PLXNA4: variants seen among roughly 807,000 people sequenced by gnomAD.
PLXNA4 encodes the protein plexin A4.
A neutral mutation model predicts 191.8 loss-of-function variants in PLXNA4; 44 were observed. The ratio of observed to expected loss-of-function variants is 0.23; its 90% CI spans 0.18 to 0.29. The LOEUF is 0.29. Among genes scored for constraint, PLXNA4 ranks in the 10% least tolerant of loss-of-function variants. The pLI is 1.00. For missense variants in PLXNA4, 1,800 were observed against 2,488.8 expected (o/e 0.72, Z 5.89); for synonymous variants, 1,082 against 1,009.5 (o/e 1.07, Z -1.36).
chr7:132,317,361 T>G (rs1479142252), intron 3 of PLXNA4, among the ~76,000 whole-genome samples: 1 of 150,944 alleles, frequency 6.6e-6, no homozygotes, highest in Non-Finnish European at 1.5e-5. Flanking sequence ...GGTTGGGTTG[T>G]GTTGGGTTGT....
chr7:132,484,949 G>A (rs780590688), intron 3 of PLXNA4: 1 of 1,614,132 alleles, frequency 6.2e-7, no homozygotes, highest in Non-Finnish European at 8.5e-7. Flanking sequence ...GTTCGCCCCA[G>A]GTGGGTCTCC....
intron 1 of PLXNA4, among the ~76,000 whole-genome samples, chr7:132,514,999 C>G (rs771830269): frequency 1.3e-5 from 2 of 152,198 alleles, no homozygotes; most frequent in Non-Finnish European, 2.9e-5. Flanking sequence ...GACTCCACCT[C>G]TGGTTCAAAG....
At chr7:132,260,139 C>T (rs773323769) in intron 4 of PLXNA4, among the ~76,000 whole-genome samples, 2 of 152,094 alleles carry the variant, frequency 1.3e-5, no homozygotes, top group Non-Finnish European at 2.9e-5. Context: ...GCCATTCAAC[C>T]TAGCAATCCC....
intron 2 of PLXNA4, among the ~76,000 whole-genome samples, chr7:132,583,490 G>T (rs1296849353): frequency 6.6e-6 from 1 of 152,202 alleles, no homozygotes; most frequent in African/African-American, 2.4e-5. Context: ...GCTCAGTGGA[G>T]CCTGCAAGCT....
chr7:132,223,445 T>A lies in PLXNA4; in HGVS notation c.2097+82A>T. The A allele has an allele frequency of 3.2e-6, 4 of 1,235,322 alleles. No homozygotes were observed. In the South Asian group the frequency reaches 5.2e-5, roughly 16 times the overall value. The allele number at this position is 1,235,322 out of a possible 1,614,324, so 76.5% of individuals were successfully genotyped here. ...GGTCCTGCACAGTTTTCCTTTGGTTTCTCCTCTTAAGGGAATGCCTCTCTT... is the reference window on the plus strand; with the variant it reads ...GGTCCTGCACAGTTTTCCTTTGGTTACTCCTCTTAAGGGAATGCCTCTCTT... On this transcript the variant is annotated intron_variant, in intron 9 of 31. Transcript: ENST00000321063.
intron 3 of PLXNA4, among the ~76,000 whole-genome samples, chr7:132,324,202 A>G (rs1256180797): frequency 6.6e-6 from 1 of 152,216 alleles, no homozygotes; most frequent in African/African-American, 2.4e-5. Flanking sequence ...GAGGAAGAGA[A>G]AGCAGACAGG....
intron 3 of PLXNA4, among the ~76,000 whole-genome samples, chr7:132,323,431 C>T (rs910560320): frequency 6.6e-6 from 1 of 152,200 alleles, no homozygotes; most frequent in Non-Finnish European, 1.5e-5. Flanking sequence ...TTATTACCTC[C>T]AAAGCCTAAG....
chr7:132,193,919 A>G lies in PLXNA4; in HGVS notation c.2856+143T>C, dbSNP rs1250836035. 5 of 1,075,476 alleles carry G rather than the reference A, an allele frequency of 4.6e-6. No individual in the cohort carries two copies. In the African/African-American group the frequency reaches 7.9e-5, roughly 17 times the overall value. The allele number at this position is 1,075,476 out of a possible 1,614,324, so 66.6% of individuals were successfully genotyped here. ...AAAGGCTGTGCTCTCACTCACTATA[A>G]GACAGGAGTCTCATGAACTGAGGGA... On this transcript the variant is annotated intron_variant, in intron 14 of 31. Coordinates refer to ENST00000321063, the MANE Select transcript of PLXNA4 (RefSeq NM_020911.2).
At chr7:132,504,037 T>C (rs1190594649) in intron 2 of PLXNA4, among the ~76,000 whole-genome samples, 1 of 152,220 alleles carries the variant, frequency 6.6e-6, no homozygotes, top group African/African-American at 2.4e-5. Flanking sequence ...CTCAGGAATG[T>C]ACATTTGTGA....
At chr7:132,255,376 T>C (rs928991118) in intron 4 of PLXNA4, among the ~76,000 whole-genome samples, 4 of 152,168 alleles carry the variant, frequency 2.6e-5, no homozygotes, top group Non-Finnish European at 5.9e-5. Context: ...ACATAATACA[T>C]GTAAAACACT....
In PLXNA4 at chr7:132,383,272, G is replaced by A. The variant is rs145619006; in HGVS notation, c.1372-85050C>T. On this transcript the variant is annotated intron_variant, in intron 3 of 31. Transcript: ENST00000321063. ...TGCTGAGTTAATTAGCTGGCTGGCT[G>A]CACACACCAGGATTGGACATGGATA... Among the ~76,000 whole-genome samples the A allele has an allele frequency of 5.3e-5, 8 of 152,282 alleles. No homozygotes were observed. The East Asian group carries it at 1.3e-3, about 26-fold the overall frequency.
intron 1 of PLXNA4, among the ~76,000 whole-genome samples, chr7:132,535,280 G>T (rs1029609995): frequency 2.0e-5 from 3 of 152,224 alleles, no homozygotes; most frequent in African/African-American, 7.2e-5. Flanking sequence ...ATGCCCAATG[G>T]ATGGGGGCAC....
At chr7:132,179,526 TTCGC>T (rs1796631910) in intron 20 of PLXNA4, among the ~76,000 whole-genome samples, 157 bp downstream of exon 20, 2 of 90,080 alleles carry the variant, frequency 2.2e-5, no homozygotes, top group African/African-American at 8.4e-5. Flanking sequence ...CACACACACA[TTCGC>T]ACAGACACAC....
intron 3 of PLXNA4, among the ~76,000 whole-genome samples, chr7:132,368,244 T>G (rs1804275356): frequency 1.3e-5 from 2 of 151,394 alleles, no homozygotes; most frequent in South Asian, 4.1e-4. Context: ...GAACAGCAGC[T>G]TATTTGAGTA....
chr7:132,364,711 G>A (rs1804085584), intron 3 of PLXNA4, among the ~76,000 whole-genome samples: 1 of 152,204 alleles, frequency 6.6e-6, no homozygotes, highest in South Asian at 2.1e-4. Flanking sequence ...GGGATGTGGA[G>A]AATGACGGTT....
intron 9 of PLXNA4, among the ~76,000 whole-genome samples, chr7:132,222,644 T>C (rs984917834): frequency 6.6e-6 from 1 of 152,142 alleles, no homozygotes; most frequent in Non-Finnish European, 1.5e-5. Flanking sequence ...CTGAGTCCAA[T>C]ATTGGCTGAG....
Position 132,508,328 on chromosome 7 carries a change from G to A in PLXNA4, c.366C>T (p.Tyr122=), listed in dbSNP as rs765698373. Residue 122 remains tyrosine (Y), a synonymous_variant, in exon 2 of 32, where the codon TAC becomes TAT. Transcript: ENST00000321063. The surrounding 1 kb of genome is among the most constrained non-coding windows in gnomAD (Gnocchi z 4.4). ...NNVNKMLLID[Y]KENRLIACGS... Reference sequence around the variant, plus strand: ...CACAGGCAATCAGCCTGTTCTCCTTGTAGTCTATGAGGAGCATCTTGTTGA... The same window carrying A: ...CACAGGCAATCAGCCTGTTCTCCTTATAGTCTATGAGGAGCATCTTGTTGA... 6.2e-7 allele frequency: 1 copy of A among 1,614,190 alleles called. No homozygotes were observed. Among genetic ancestry groups the A allele is most frequent in the Admixed American group, 1.7e-5 (1 of 60,034 alleles).
At chr7:132,398,423 C>T (rs975043592) in intron 3 of PLXNA4, among the ~76,000 whole-genome samples, 5 of 152,218 alleles carry the variant, frequency 3.3e-5, no homozygotes, top group Non-Finnish European at 7.3e-5. Context: ...CAAGGAACCA[C>T]ACATCCAAGG....
chr7:132,339,210 G>A (rs1031011748), intron 3 of PLXNA4, among the ~76,000 whole-genome samples: 1 of 152,158 alleles, frequency 6.6e-6, no homozygotes, highest in Admixed American at 6.5e-5. Flanking sequence ...ATTAACATCT[G>A]CAATCACAGA....
Sources: gnomAD v4.1 joint callset for allele counts (sites outside exome capture counted in the v4.1 genomes callset) on GRCh38, gnomAD v4.1.1 for gene constraint, Gnocchi (gnomAD v3.1) non-coding constraint, MANE v1.5 for transcripts, NCBI Gene and HGNC (gene_info 2026-07-23, HGNC 2026-07-21) for gene names.